The following MCF2L2 variants were observed in gnomAD, a reference collection of about 807,000 sequenced individuals.
MCF2L2 encodes the protein MCF.2 cell line derived transforming sequence-like 2, also known as probable guanine nucleotide exchange factor MCF2L2.
MCF2L2 carries 102 observed loss-of-function variants against 150.2 expected under a neutral mutation model. That is an observed-to-expected ratio of 0.68 (90% CI 0.58 to 0.80). The LOEUF is 0.80. Ranked by LOEUF, MCF2L2 falls within the 30% of genes least tolerant of loss-of-function variation. MCF2L2 has a pLI of 0.00. For missense variants in MCF2L2, 1,256 were observed against 1,372.8 expected, an observed-to-expected ratio of 0.91 and a Z score of 1.34; for synonymous variants, 465 against 491.3, an observed-to-expected ratio of 0.95 and a Z score of 0.71.
intron 1 of MCF2L2, among the ~76,000 whole-genome samples, chr3:183,395,192 T>A (rs1714366856): frequency 6.6e-6 from 1 of 152,230 alleles, no homozygotes; most frequent in African/African-American, 2.4e-5. Flanking sequence ...AAACTTTATA[T>A]GTAATGGCAT....
chr3:183,311,855 C>G, intron 7 of MCF2L2, 83 bp from the exon 8 acceptor site: 1 of 1,256,072 alleles, frequency 8.0e-7, no homozygotes, highest in South Asian at 1.5e-5. Flanking sequence ...AATAGTAGAT[C>G]AGTACATTTT....
chr3:183,272,120 GTTGCCAGT>G, intron 15 of MCF2L2: 1 of 998,662 alleles, frequency 1.0e-6, no homozygotes, highest in Middle Eastern at 5.2e-4. Flanking sequence ...TGATAGAAAA[GTTGCCAGT>G]TTGGGGTTAA....
rs1716279816 is a variant in MCF2L2 at position 183,428,349 on chromosome 3, A to G, written c.-372T>C. The G allele has an allele frequency of 3.7e-6, 1 of 270,456 alleles. No individual in the cohort carries two copies. The highest frequency in any genetic ancestry group is 7.0e-6 in the Non-Finnish European group (1 of 142,580). The allele number at this position is 270,456 out of a possible 1,614,324, so 16.8% of individuals were successfully genotyped here. The stretch of plus-strand genomic sequence containing the variant: ...CCGCCAGGTTTCCGGCGCCGCCTCC[A>G]GGGACTGTAGAGTGAGGGATGCTCC... On this transcript the variant is annotated 5_prime_UTR_variant, in exon 1 of 30. Coordinates refer to ENST00000328913, the MANE Select transcript of MCF2L2 (RefSeq NM_015078.4). This position sits in a 1 kb window ranked among gnomAD's most constrained non-coding sequence, Gnocchi z 5.1.
chr3:183,385,799 C>T (rs1560051473), intron 2 of MCF2L2, among the ~76,000 whole-genome samples: 1 of 152,204 alleles, frequency 6.6e-6, no homozygotes, highest in Non-Finnish European at 1.5e-5. Flanking sequence ...GATTCTCTTG[C>T]TGCCAGGGAA....
intron 15 of MCF2L2, chr3:183,265,520 G>A (rs995935881): frequency 6.6e-6 from 1 of 152,290 alleles, no homozygotes; most frequent in Admixed American, 6.5e-5. Flanking sequence ...AGCGCCAGTT[G>A]TATGTGCGTG....
intron 3 of MCF2L2, among the ~76,000 whole-genome samples, chr3:183,356,169 TAA>T (rs34297018): frequency 6.0e-5 from 8 of 132,794 alleles, no homozygotes; most frequent in African/African-American, 1.9e-4. Context: ...AAAATTGACT[TAA>T]AAAAAAAAAA....
At position 183,269,230 on chromosome 3, in the gene MCF2L2, C is replaced by CT. The variant is rs60835895; in HGVS notation, c.1862+7641dup. On this transcript the variant is annotated intron_variant, in intron 15 of 29. Coordinates refer to ENST00000328913, the MANE Select transcript of MCF2L2 (RefSeq NM_015078.4). The stretch of plus-strand genomic sequence containing the variant: ...TACACGATTATAGCCGTTTGGGAAG[C>CT]TTTTTTTTTTTTTTTTTTAAGAGTA... 5.1e-3 allele frequency among the ~76,000 whole-genome samples: 415 copies of CT among 80,978 alleles called. 24 individuals carry two copies. The highest frequency in any genetic ancestry group is 9.3e-3 in the African/African-American group (146 of 15,758). 53.1% of individuals were successfully genotyped at this position (80,978 alleles called of 152,430 possible). A position where few individuals can be genotyped will look rare whatever the true frequency, so the allele number is the denominator to read the frequency against.
chr3:183,344,985 T>G (rs1307084940), intron 3 of MCF2L2, among the ~76,000 whole-genome samples: 1 of 152,190 alleles, frequency 6.6e-6, no homozygotes, highest in Non-Finnish European at 1.5e-5. Context: ...TGGGAGACTT[T>G]AACACCCCAC....
intron 3 of MCF2L2, chr3:183,377,018 T>G (rs1234069491): frequency 6.6e-6 from 1 of 152,202 alleles, no homozygotes; most frequent in Non-Finnish European, 1.5e-5. Flanking sequence ...TAGTCAATAT[T>G]CCAGAATGGC....
intron 22 of MCF2L2, among the ~76,000 whole-genome samples, chr3:183,212,957 G>A (rs1722787369): frequency 7.6e-6 from 1 of 131,706 alleles, no homozygotes; most frequent in Non-Finnish European, 1.6e-5. Context: ...GTGGGGGGGT[G>A]GGGGGGGTGG....
chr3:183,270,072 C>T lies in MCF2L2; in HGVS notation c.1862+6800G>A. 6.2e-7 allele frequency: 1 copy of T among 1,614,168 alleles called. No individual in the cohort carries two copies. Among genetic ancestry groups the T allele is most frequent in the Non-Finnish European group, 8.5e-7 (1 of 1,180,036 alleles). On this transcript the variant is annotated intron_variant, in intron 15 of 29. Transcript: ENST00000328913. The surrounding 1 kb of genome is among the most constrained non-coding windows in gnomAD (Gnocchi z 4.5). ...TCAAGCTCAAGACGTCCTCCTTTTA[C>T]TGTTTGTAAAAACTGCTCCTGAAAA...
chr3:183,192,748 G>C (rs1281260850), intron 27 of MCF2L2: 5 of 388,536 alleles, frequency 1.3e-5, no homozygotes, highest in Non-Finnish European at 1.8e-5. Flanking sequence ...AAGTGAAACA[G>C]TGGATAAGGG....
intron 5 of MCF2L2, among the ~76,000 whole-genome samples, chr3:183,326,646 C>T (rs1577065520): frequency 6.6e-6 from 1 of 151,992 alleles, no homozygotes; most frequent in South Asian, 2.1e-4. Flanking sequence ...CTTTCACCAC[C>T]AATGGTTACA....
chr3:183,341,737 C>T (rs1035952636), intron 3 of MCF2L2, 107 bp from the exon 4 acceptor site: 18 of 740,272 alleles, frequency 2.4e-5, no homozygotes, highest in Admixed American at 2.2e-4. Context: ...CCAGGCTCAC[C>T]GTGTAAACAC....
At chr3:183,273,621 TCA>T in intron 15 of MCF2L2, among the ~76,000 whole-genome samples, 1 of 152,202 alleles carries the variant, frequency 6.6e-6, no homozygotes. Context: ...TAACGATGGA[TCA>T]CATATATGAT....
At chr3:183,400,607 G>T (rs1714702736) in intron 1 of MCF2L2, 1 of 372,972 alleles carries the variant, frequency 2.7e-6, no homozygotes, top group Non-Finnish European at 5.3e-6. Flanking sequence ...TTCACTCGAG[G>T]TCATTTCGTG....
intron 3 of MCF2L2, among the ~76,000 whole-genome samples, chr3:183,362,325 G>A (rs56229315): frequency 5.1e-4 from 78 of 152,088 alleles, no homozygotes; most frequent in African/African-American, 1.8e-3. Context: ...GGCTGATCTG[G>A]AACTCCTGAC....
intron 14 of MCF2L2, among the ~76,000 whole-genome samples, chr3:183,279,377 G>A (rs1727349536): frequency 6.6e-6 from 1 of 152,110 alleles, no homozygotes; most frequent in South Asian, 2.1e-4. Context: ...TATTCAAATA[G>A]TAGACTAAAA....
chr3:183,330,101 C>A (rs192976721), intron 5 of MCF2L2, among the ~76,000 whole-genome samples: 208 of 150,978 alleles, frequency 1.4e-3, no homozygotes, highest in South Asian at 4.4e-3. Flanking sequence ...AAAAATCAGC[C>A]GGGCATGGTG....
Sources: gnomAD v4.1 joint callset for allele counts (sites outside exome capture counted in the v4.1 genomes callset) on GRCh38, gnomAD v4.1.1 for gene constraint, Gnocchi (gnomAD v3.1) non-coding constraint, MANE v1.5 for transcripts, NCBI Gene and HGNC (gene_info 2026-07-23, HGNC 2026-07-21) for gene names.